The following TAF12 variants were observed in gnomAD, a reference collection of about 807,000 sequenced individuals.
The protein encoded by TAF12 is transcription initiation factor TFIID subunit 12.
TAF12 carries 3 observed loss-of-function variants against 20.8 expected under a neutral mutation model. That is an observed-to-expected ratio of 0.14 (90% CI 0.07 to 0.37). The LOEUF is 0.37. TAF12 is among the 10% of genes least tolerant of loss of function. The pLI is 1.00. For synonymous variants in TAF12, 69 were observed against 70.2 expected (o/e 0.98, Z 0.09); for missense variants, 131 against 197.9 (o/e 0.66, Z 2.03).
intron 4 of TAF12, among the ~76,000 whole-genome samples, chr1:28,611,802 A>C (rs866818554): frequency 6.6e-6 from 1 of 152,088 alleles, no homozygotes; most frequent in Non-Finnish European, 1.5e-5. Flanking sequence ...TATTTTGTTA[A>C]GGTAGCCCTA....
intron 1 of TAF12, among the ~76,000 whole-genome samples, chr1:28,642,402 G>C (rs1668066475): frequency 1.3e-5 from 2 of 152,050 alleles, no homozygotes; most frequent in Non-Finnish European, 2.9e-5. Context: ...AAGGCTTTTA[G>C]GAGCTTGGGT....
At chr1:28,647,590 C>T (rs1225977010), upstream of TAF12, among the ~76,000 whole-genome samples, 3 of 152,148 alleles carry the variant, frequency 2.0e-5, no homozygotes, top group Non-Finnish European at 2.9e-5. Flanking sequence ...AAAATGGGAA[C>T]AGGCCGGGCA....
upstream of TAF12, among the ~76,000 whole-genome samples, chr1:28,644,508 T>C (rs1318147741): frequency 3.9e-5 from 6 of 152,238 alleles, no homozygotes; most frequent in Non-Finnish European, 8.8e-5. Flanking sequence ...TTGACAAGTG[T>C]TTGAGTCTCA....
At chr1:28,620,988 G>A (rs1667204315) in intron 2 of TAF12, among the ~76,000 whole-genome samples, 1 of 151,988 alleles carries the variant, frequency 6.6e-6, no homozygotes, top group African/African-American at 2.4e-5. Flanking sequence ...TCCCCTTACT[G>A]CCAAGTTAAT....
intron 4 of TAF12, among the ~76,000 whole-genome samples, chr1:28,609,310 A>G (rs993595183): frequency 6.6e-6 from 1 of 152,132 alleles, no homozygotes; most frequent in South Asian, 2.1e-4. Context: ...TCCTGACCTC[A>G]AGGGAAATGC....
intron 1 of TAF12, among the ~76,000 whole-genome samples, chr1:28,636,011 T>A (rs571403058): frequency 6.6e-6 from 1 of 152,300 alleles, no homozygotes; most frequent in Admixed American, 6.5e-5. Context: ...GACTGGTTTT[T>A]CTACCTGGCT....
chr1:28,629,910 G>A (rs529345860), intron 1 of TAF12, among the ~76,000 whole-genome samples: 2 of 151,794 alleles, frequency 1.3e-5, no homozygotes, highest in South Asian at 4.2e-4. Flanking sequence ...AAATAGCTGG[G>A]GTTATATGTG....
chr1:28,604,537 A>G (rs1014128378), intron 5 of TAF12, among the ~76,000 whole-genome samples: 10 of 152,234 alleles, frequency 6.6e-5, no homozygotes, highest in African/African-American at 2.2e-4. Flanking sequence ...TTAACTTGGG[A>G]GCACAAAGTG....
chr1:28,634,594 T>C (rs1476629124), intron 1 of TAF12, among the ~76,000 whole-genome samples: 1 of 152,022 alleles, frequency 6.6e-6, no homozygotes, highest in African/African-American at 2.4e-5. Context: ...TATTTAGTAA[T>C]TCTATCAAAA....
intron 1 of TAF12, among the ~76,000 whole-genome samples, chr1:28,633,909 T>C: frequency 1.0e-5 from 1 of 100,428 alleles, no homozygotes; most frequent in African/African-American, 4.0e-5. Context: ...CGAAACTCCA[T>C]CTCAAAAAAA....
At chr1:28,629,861 A>C (rs1667560716) in intron 1 of TAF12, among the ~76,000 whole-genome samples, 1 of 152,072 alleles carries the variant, frequency 6.6e-6, no homozygotes, top group Admixed American at 6.6e-5. Context: ...GATGGCCCTG[A>C]ACTCTTTGCC....
At chr1:28,644,360 A>T (rs141787841), upstream of TAF12, among the ~76,000 whole-genome samples, 2 of 152,324 alleles carry the variant, frequency 1.3e-5, no homozygotes, top group South Asian at 2.1e-4. Flanking sequence ...CCTCATGAAC[A>T]TTGGGCTCTA....
chr1:28,630,086 T>C (rs1667566391), intron 1 of TAF12, among the ~76,000 whole-genome samples: 1 of 152,116 alleles, frequency 6.6e-6, no homozygotes, highest in Non-Finnish European at 1.5e-5. Flanking sequence ...ACTACAGGCA[T>C]GCACCACCAT....
intron 1 of TAF12, chr1:28,623,892 C>G (rs749886321): frequency 1.1e-6 from 1 of 916,870 alleles, no homozygotes; most frequent in Non-Finnish European, 1.3e-6. Flanking sequence ...GGTGTCATCA[C>G]GATCAGAAGC....
At chr1:28,605,899 T>C (rs182189758) in intron 4 of TAF12, among the ~76,000 whole-genome samples, 244 of 152,328 alleles carry the variant, frequency 1.6e-3, no homozygotes, top group African/African-American at 5.4e-3. Context: ...GGCTTCAACA[T>C]TGAATATGCC....
intron 2 of TAF12, among the ~76,000 whole-genome samples, chr1:28,621,527 AG>A (rs970354643): frequency 1.6e-4 from 25 of 152,228 alleles, no homozygotes; most frequent in Admixed American, 1.1e-3. Context: ...TCAAAATGAA[AG>A]GAAAAAAACA....
At chr1:28,633,188 A>G (rs1667698894) in intron 1 of TAF12, among the ~76,000 whole-genome samples, 1 of 121,874 alleles carries the variant, frequency 8.2e-6, no homozygotes, top group African/African-American at 3.2e-5. Context: ...TTTTTTTGAG[A>G]CAGAATCTCA....
At chr1:28,615,715 A>G (rs1432399971) in intron 3 of TAF12, among the ~76,000 whole-genome samples, 2 of 142,208 alleles carry the variant, frequency 1.4e-5, no homozygotes, top group Non-Finnish European at 3.1e-5. Context: ...AAAAAAAAGA[A>G]GCTAAGGGAT....
intron 3 of TAF12, among the ~76,000 whole-genome samples, chr1:28,615,219 A>T (rs536415247): frequency 2.0e-5 from 3 of 152,230 alleles, no homozygotes; most frequent in Admixed American, 6.6e-5. Flanking sequence ...AACAAACTAA[A>T]ATTACAACCA....
Sources: gnomAD v4.1 joint callset for allele counts (sites outside exome capture counted in the v4.1 genomes callset) on GRCh38, gnomAD v4.1.1 for gene constraint, MANE v1.5 for transcripts, NCBI Gene and HGNC (gene_info 2026-07-23, HGNC 2026-07-21) for gene names.